Variants in PDE11A observed in about 807,000 individuals in gnomAD.
PDE11A encodes phosphodiesterase 11A, also known as dual 3',5'-cyclic-AMP and -GMP phosphodiesterase 11A.
A neutral mutation model predicts 100.5 loss-of-function variants in PDE11A; 100 were observed. The ratio of observed to expected loss-of-function variants is 1.00; its 90% CI spans 0.85 to 1.18. The LOEUF (loss-of-function observed/expected upper bound fraction) is 1.18, where lower values mean the gene tolerates loss of function less well. Among genes scored for constraint, PDE11A ranks in the 50% most tolerant of loss-of-function variants. PDE11A has a pLI of 0.00. For missense variants in PDE11A, 1,141 were observed against 1,152.6 expected (o/e 0.99, Z 0.15); for synonymous variants, 381 against 420.8 (o/e 0.91, Z 1.16).
In PDE11A at chr2:177,628,928, T is replaced by A. The variant is rs1165089651; in HGVS notation, c.*479A>T. On this transcript the variant is annotated 3_prime_UTR_variant, in exon 20 of 20. Coordinates refer to ENST00000286063, the MANE Select transcript of PDE11A (RefSeq NM_016953.4). ...TCTAGGATTAAAAATAAAATACCTCTATGGAATACAAATTAGGATTCTTGG... is the reference window on the plus strand; with the variant it reads ...TCTAGGATTAAAAATAAAATACCTCAATGGAATACAAATTAGGATTCTTGG... 5.1e-6 allele frequency: 1 copy of A among 197,554 alleles called. No individual in the cohort carries two copies. Among genetic ancestry groups the A allele is most frequent in the Non-Finnish European group, 1.1e-5 (1 of 95,214 alleles). The allele number at this position is 197,554 out of a possible 1,614,324, so 12.2% of individuals were successfully genotyped here.
intron 1 of PDE11A, among the ~76,000 whole-genome samples, chr2:178,053,613 C>A (rs1332996469): frequency 6.6e-6 from 1 of 152,132 alleles, no homozygotes; most frequent in African/African-American, 2.4e-5. Context: ...ATTTAGAAAA[C>A]CCCATCATCT....
chr2:177,789,760 G>C (rs1474462665), intron 9 of PDE11A, among the ~76,000 whole-genome samples: 1 of 152,102 alleles, frequency 6.6e-6, no homozygotes, highest in Non-Finnish European at 1.5e-5. Flanking sequence ...CAAACAGAGA[G>C]CCAAATCATG....
chr2:177,731,873 A>G (rs920081681), intron 10 of PDE11A, among the ~76,000 whole-genome samples: 1 of 152,182 alleles, frequency 6.6e-6, no homozygotes, highest in South Asian at 2.1e-4. Context: ...GTTTTCTAGC[A>G]TCCAAAATTT....
chr2:177,803,747 C>T (rs1210072852), intron 9 of PDE11A, among the ~76,000 whole-genome samples: 1 of 151,976 alleles, frequency 6.6e-6, no homozygotes, highest in East Asian at 1.9e-4. Context: ...CAATAAAATT[C>T]AGCATCCCTT....
At chr2:178,094,616 T>C (rs990981574) in intron 2 of PDE11A, among the ~76,000 whole-genome samples, 5 of 152,198 alleles carry the variant, frequency 3.3e-5, no homozygotes, top group African/African-American at 1.2e-4. Flanking sequence ...CATAGCCATA[T>C]TTCCATGGAT....
chr2:178,087,492 A>T (rs1898010), intron 2 of PDE11A, among the ~76,000 whole-genome samples: 131,020 of 152,112 alleles, frequency 0.86, 57,109 homozygotes, highest in Non-Finnish European at 0.92. Flanking sequence ...GAAAGACAAA[A>T]ACCTCATGCT....
chr2:177,816,990 G>A (rs2083050013), intron 8 of PDE11A, 69 bp from the exon 9 acceptor site: 2 of 847,480 alleles, frequency 2.4e-6, no homozygotes, highest in Admixed American at 1.7e-5. Flanking sequence ...ATGAAAGCAG[G>A]CAGCCACCAG....
intron 12 of PDE11A, among the ~76,000 whole-genome samples, chr2:177,718,529 A>C (rs926552224): frequency 6.6e-6 from 1 of 152,218 alleles, no homozygotes; most frequent in African/African-American, 2.4e-5. Context: ...TTTTAGTTTA[A>C]ATATGGCTCT....
intron 5 of PDE11A, among the ~76,000 whole-genome samples, chr2:177,849,122 G>A (rs557410588): frequency 3.3e-5 from 5 of 152,220 alleles, no homozygotes; most frequent in Non-Finnish European, 2.9e-5. Flanking sequence ...TGCATTAAGC[G>A]AACAATAAGG....
intron 19 of PDE11A, among the ~76,000 whole-genome samples, chr2:177,643,345 T>C (rs554214608): frequency 1.2e-3 from 190 of 152,230 alleles, no homozygotes; most frequent in South Asian, 6.2e-3. Context: ...TGGTCTCAGA[T>C]GGAGATGAGG....
intron 10 of PDE11A, among the ~76,000 whole-genome samples, chr2:177,731,604 C>G (rs2081692000): frequency 1.3e-5 from 2 of 152,138 alleles, no homozygotes; most frequent in African/African-American, 4.8e-5. Context: ...TATACTCTCT[C>G]CAGAGGACAA....
At chr2:177,646,804 G>C (rs2080230188) in intron 19 of PDE11A, among the ~76,000 whole-genome samples, 1 of 152,174 alleles carries the variant, frequency 6.6e-6, no homozygotes, top group Non-Finnish European at 1.5e-5. Flanking sequence ...TTTTATCTTT[G>C]ACTCATCTAC....
intron 10 of PDE11A, among the ~76,000 whole-genome samples, chr2:177,762,363 C>T (rs1283756037): frequency 6.6e-6 from 1 of 152,162 alleles, no homozygotes; most frequent in Non-Finnish European, 1.5e-5. Context: ...CCTGGCGTCA[C>T]AGCTAGAGTT....
At chr2:177,744,420 C>T (rs13418469) in intron 10 of PDE11A, among the ~76,000 whole-genome samples, 1 of 151,204 alleles carries the variant, frequency 6.6e-6, no homozygotes, top group African/African-American at 2.4e-5. Flanking sequence ...ATTCCTTTTG[C>T]TTGTTTGCTC....
At chr2:177,665,309 CAAAA>C (rs9288007) in intron 18 of PDE11A, among the ~76,000 whole-genome samples, 11,424 of 112,490 alleles carry the variant, frequency 0.1, 602 homozygotes, top group African/African-American at 0.19. Flanking sequence ...CCTGTCCCTA[CAAAA>C]AAAAAAAAAA....
At chr2:177,668,581 G>A (rs564215797) in intron 18 of PDE11A, among the ~76,000 whole-genome samples, 6 of 152,268 alleles carry the variant, frequency 3.9e-5, no homozygotes, top group South Asian at 4.2e-4. Context: ...AAGACTGTGC[G>A]TTCTGACTTC....
In PDE11A at chr2:177,776,532, T is replaced by C. The variant is rs1056218762; in HGVS notation, c.1738-7159A>G. Among the ~76,000 whole-genome samples, 5 of 152,280 alleles carry C rather than the reference T, an allele frequency of 3.3e-5. No individual in the cohort carries two copies. The East Asian group carries it at 9.6e-4, about 29-fold the overall frequency. ...AATGCTACTATTATGAGGGGAATTGTGCCCCCCAATCCCCACCAATTCATT... is the reference window on the plus strand; with the variant it reads ...AATGCTACTATTATGAGGGGAATTGCGCCCCCCAATCCCCACCAATTCATT... On this transcript the variant is annotated intron_variant, in intron 9 of 19. Coordinates refer to ENST00000286063, the MANE Select transcript of PDE11A (RefSeq NM_016953.4).
chr2:177,689,743 T>C (rs1184397412), intron 15 of PDE11A, among the ~76,000 whole-genome samples: 1 of 152,232 alleles, frequency 6.6e-6, no homozygotes, highest in Non-Finnish European at 1.5e-5. Context: ...TGTGCTTTTG[T>C]TGATGGCACA....
At chr2:177,916,259 T>C (rs1270945608) in intron 2 of PDE11A, among the ~76,000 whole-genome samples, 1 of 152,248 alleles carries the variant, frequency 6.6e-6, no homozygotes, top group African/African-American at 2.4e-5. Context: ...GGGTTGGCTA[T>C]GCAGGAATTA....
Sources: gnomAD v4.1 joint callset for allele counts (sites outside exome capture counted in the v4.1 genomes callset) on GRCh38, gnomAD v4.1.1 for gene constraint, MANE v1.5 for transcripts, NCBI Gene and HGNC (gene_info 2026-07-23, HGNC 2026-07-21) for gene names.